Variants in AOX1 observed in about 807,000 individuals in gnomAD.
AOX1 encodes aldehyde oxidase.
AOX1 carries 153 observed loss-of-function variants against 169.5 expected under a neutral mutation model. That is an observed-to-expected ratio of 0.90 (90% CI 0.79 to 1.03). The LOEUF is 1.03. AOX1 is among the 50% of genes least tolerant of loss of function. The probability of loss-of-function intolerance (pLI) is 0.00; values close to 1 mark genes in which losing one functional copy is unlikely to be tolerated. For missense variants in AOX1, 1,656 were observed against 1,663.9 expected (o/e 1.00, Z 0.08); for synonymous variants, 562 against 581.9 (o/e 0.97, Z 0.49).
At chr2:200,649,338 G>T (rs921504352) in intron 25 of AOX1, among the ~76,000 whole-genome samples, 3 of 152,074 alleles carry the variant, frequency 2.0e-5, no homozygotes, top group Admixed American at 1.3e-4. Flanking sequence ...TCAGCTTCAG[G>T]TAAAGTCGGA....
At chr2:200,607,494 T>C (rs1245490025) in intron 10 of AOX1, among the ~76,000 whole-genome samples, 4 of 152,236 alleles carry the variant, frequency 2.6e-5, no homozygotes, top group South Asian at 2.1e-4. Flanking sequence ...TGTGGAGAAA[T>C]AGTAATGCTT....
chr2:200,587,103 CAAA>C (rs1369846552), intron 1 of AOX1, among the ~76,000 whole-genome samples: 1 of 138,750 alleles, frequency 7.2e-6, no homozygotes, highest in African/African-American at 2.7e-5. Context: ...CTTGTCTCTA[CAAA>C]AAAAAAACCA....
chr2:200,660,678 C>T (rs1033711954), intron 29 of AOX1, among the ~76,000 whole-genome samples: 2 of 152,202 alleles, frequency 1.3e-5, no homozygotes, highest in African/African-American at 4.8e-5. Flanking sequence ...TCCATAAAAG[C>T]TGGGAGCATG....
chr2:200,659,592 A>G (rs914176434), intron 28 of AOX1, among the ~76,000 whole-genome samples: 5 of 152,282 alleles, frequency 3.3e-5, no homozygotes, highest in East Asian at 3.9e-4. Flanking sequence ...GCCTCTCCCC[A>G]GGGCCGATGC....
At chr2:200,624,290 G>A (rs775913049) in intron 19 of AOX1, among the ~76,000 whole-genome samples, 1 of 152,122 alleles carries the variant, frequency 6.6e-6, no homozygotes, top group Non-Finnish European at 1.5e-5. Flanking sequence ...AGCATTCTAA[G>A]CACAAATCCT....
At chr2:200,611,080 C>A (rs2034628317) in intron 12 of AOX1, among the ~76,000 whole-genome samples, 1 of 152,164 alleles carries the variant, frequency 6.6e-6, no homozygotes, top group African/African-American at 2.4e-5. Context: ...GTCTCAAACT[C>A]CTAACCTCAA....
At chr2:200,678,893 T>C (rs1182977427), downstream of AOX1, among the ~76,000 whole-genome samples, 1 of 152,184 alleles carries the variant, frequency 6.6e-6, no homozygotes, top group Non-Finnish European at 1.5e-5. Flanking sequence ...TGCCTTCCAG[T>C]TGGTCTCATT....
chr2:200,622,886 A>T (rs1032753412), intron 18 of AOX1, among the ~76,000 whole-genome samples: 1 of 152,196 alleles, frequency 6.6e-6, no homozygotes. Flanking sequence ...GGAAAGTATT[A>T]TACAATGAAC....
At chr2:200,608,330 T>A (rs2105704597) in intron 10 of AOX1, among the ~76,000 whole-genome samples, 1 of 152,324 alleles carries the variant, frequency 6.6e-6, no homozygotes, top group East Asian at 1.9e-4. Flanking sequence ...CGGTGCTAAG[T>A]GCTGGACAGA....
intron 26 of AOX1, among the ~76,000 whole-genome samples, chr2:200,656,021 C>T (rs2035675075): frequency 6.6e-6 from 1 of 152,204 alleles, no homozygotes; most frequent in South Asian, 2.1e-4. Flanking sequence ...ATTATTATGT[C>T]ACTCTGCCTA....
intron 18 of AOX1, among the ~76,000 whole-genome samples, chr2:200,621,635 T>C (rs904397985): frequency 6.6e-6 from 1 of 151,592 alleles, no homozygotes; most frequent in African/African-American, 2.4e-5. Flanking sequence ...ATCTGCACCA[T>C]GAAGCCTTTT....
intron 22 of AOX1, 133 bp from the exon 23 acceptor site, chr2:200,638,082 A>C: frequency 8.9e-6 from 6 of 671,078 alleles, no homozygotes; most frequent in Non-Finnish European, 1.6e-5. Context: ...AGCAGAGGAT[A>C]GGCATGCGAA....
chr2:200,663,572 A>ACTCTCTCTCTCTCTCT (rs1226325589), intron 31 of AOX1, among the ~76,000 whole-genome samples: 3 of 105,054 alleles, frequency 2.9e-5, no homozygotes, highest in African/African-American at 3.8e-5. Flanking sequence ...ACACACACAC[A>ACTCTCTCTCTCTCTCT]CTCTCTCTCT....
At chr2:200,611,250 C>T (rs534101227) in intron 12 of AOX1, 134 bp from the exon 13 acceptor site, 60 of 671,122 alleles carry the variant, frequency 8.9e-5, no homozygotes, top group Non-Finnish European at 1.3e-4. Context: ...AAAAGATTTG[C>T]GAAGCATAGG....
chr2:200,586,258 A>G, intron 1 of AOX1, 105 bp downstream of exon 1: 2 of 1,233,824 alleles, frequency 1.6e-6, no homozygotes, highest in Non-Finnish European at 2.2e-6. Flanking sequence ...CGTTTAAGGC[A>G]CTCAGGCACG....
chr2:200,619,093 A>C (rs2034827123), intron 16 of AOX1, among the ~76,000 whole-genome samples: 1 of 152,192 alleles, frequency 6.6e-6, no homozygotes, highest in Non-Finnish European at 1.5e-5. Context: ...CAAATACAAA[A>C]GAATTTAGCT....
rs2034637564 is a variant in AOX1, at chr2:200,611,400, T to G, written c.1170T>G (p.Ile390Met). Residue 390 changes from isoleucine (I) to methionine (M), a missense_variant, in exon 13 of 35, where the codon ATT becomes ATG. Coordinates refer to ENST00000374700, the MANE Select transcript of AOX1 (RefSeq NM_001159.4). ...TTTCCACAGAAGGAAAACGACAGAT[T>G]CCTTTAAATGAGCAATTCCTCAGCA... ...NLLSKEGKRQ[I>M]PLNEQFLSKC... 1.2e-6 allele frequency: 2 copies of G among 1,613,256 alleles called. No individual in the cohort carries two copies. The highest frequency in any genetic ancestry group is 1.1e-5 in the South Asian group (1 of 91,014).
At chr2:200,602,423 G>C in intron 6 of AOX1, 78 bp downstream of exon 6, 1 of 1,283,164 alleles carries the variant, frequency 7.8e-7, no homozygotes, top group South Asian at 1.2e-5. Flanking sequence ...TGATTAGGGG[G>C]GCAGCCATCT....
chr2:200,615,226 T>C (rs1215698800), intron 15 of AOX1, among the ~76,000 whole-genome samples: 1 of 152,148 alleles, frequency 6.6e-6, no homozygotes, highest in Middle Eastern at 3.2e-3. Context: ...AAGCTGGTCT[T>C]GAACTCCTGG....
Sources: allele counts gnomAD v4.1 joint callset (sites outside exome capture counted in the v4.1 genomes callset), GRCh38; gene constraint gnomAD v4.1.1; transcripts MANE v1.5; gene names NCBI Gene and HGNC (gene_info 2026-07-23, HGNC 2026-07-21).